MDFIC2: variants seen among roughly 807,000 people sequenced by gnomAD.
MDFIC2 encodes the protein MyoD family inhibitor domain containing 2, also known as myoD family inhibitor domain-containing protein 2.
At chr3:70,305,533 T>C (rs545427666) in intron 2 of MDFIC2, among the ~76,000 whole-genome samples, 2 of 152,334 alleles carry the variant, frequency 1.3e-5, no homozygotes, top group East Asian at 1.9e-4. Flanking sequence ...TTAGTTATTA[T>C]AATAAAGCAC....
chr3:70,300,363 C>T (rs1163942129), intron 2 of MDFIC2, among the ~76,000 whole-genome samples: 1 of 152,040 alleles, frequency 6.6e-6, no homozygotes, highest in Non-Finnish European at 1.5e-5. Context: ...TTATTATAGG[C>T]ACATCGAGTA....
At chr3:70,271,509 A>G (rs1271273035) in intron 2 of MDFIC2, among the ~76,000 whole-genome samples, 1 of 152,222 alleles carries the variant, frequency 6.6e-6, no homozygotes, top group Non-Finnish European at 1.5e-5. Flanking sequence ...TATTTTGCTT[A>G]ACTATTTAAC....
intron 2 of MDFIC2, among the ~76,000 whole-genome samples, chr3:70,245,012 C>T (rs1035671168): frequency 3.3e-5 from 5 of 152,246 alleles, no homozygotes; most frequent in African/African-American, 1.2e-4. Flanking sequence ...GAGCCCTGGT[C>T]CCAGAACTGC....
chr3:70,207,497 C>G (rs1701303846), intron 2 of MDFIC2, among the ~76,000 whole-genome samples: 1 of 151,890 alleles, frequency 6.6e-6, no homozygotes, highest in Non-Finnish European at 1.5e-5. Context: ...GTTTGGAGAG[C>G]CATAGAGAAG....
chr3:70,254,993 C>T (rs1015626303), intron 2 of MDFIC2, among the ~76,000 whole-genome samples: 4 of 152,062 alleles, frequency 2.6e-5, no homozygotes, highest in Non-Finnish European at 4.4e-5. Context: ...GACTGATGGA[C>T]ATTTAGATTG....
At chr3:70,285,843 G>A (rs1702156743) in intron 2 of MDFIC2, among the ~76,000 whole-genome samples, 1 of 152,054 alleles carries the variant, frequency 6.6e-6, no homozygotes. Flanking sequence ...TTTTTTGGCT[G>A]CATAAATGTC....
At chr3:70,242,460 C>T (rs1230671669) in intron 2 of MDFIC2, among the ~76,000 whole-genome samples, 1 of 152,056 alleles carries the variant, frequency 6.6e-6, no homozygotes, top group African/African-American at 2.4e-5. Context: ...GTCCCATGAC[C>T]ATCCTTTGGG....
intron 2 of MDFIC2, among the ~76,000 whole-genome samples, chr3:70,235,614 G>GT (rs1701599520): frequency 2.0e-5 from 3 of 152,108 alleles, no homozygotes; most frequent in Non-Finnish European, 4.4e-5. Flanking sequence ...TAGAATCCTG[G>GT]TTTTTCTCCT....
At chr3:70,232,193 C>T (rs1310997652) in intron 2 of MDFIC2, among the ~76,000 whole-genome samples, 1 of 152,264 alleles carries the variant, frequency 6.6e-6, no homozygotes, top group East Asian at 1.9e-4. Context: ...TATTGATCTG[C>T]TCTGTGAGGG....
At chr3:70,237,283 G>T (rs1319202309) in intron 2 of MDFIC2, among the ~76,000 whole-genome samples, 1 of 152,074 alleles carries the variant, frequency 6.6e-6, no homozygotes, top group Non-Finnish European at 1.5e-5. Context: ...CTCCAGTGCG[G>T]ATACACCACA....
chr3:70,307,744 G>A (rs772115606), intron 2 of MDFIC2, among the ~76,000 whole-genome samples: 1 of 152,018 alleles, frequency 6.6e-6, no homozygotes, highest in Admixed American at 6.6e-5. Context: ...CACAAGCCTT[G>A]CCTCTGTTTC....
chr3:70,309,062 TA>T (rs755695197), intron 2 of MDFIC2, among the ~76,000 whole-genome samples: 154 of 152,194 alleles, frequency 1.0e-3, no homozygotes, highest in Non-Finnish European at 1.7e-3. Flanking sequence ...GTATCTGTAT[TA>T]TTTTTTTAAG....
Position 70,257,258 on chromosome 3 carries a change from G to A in MDFIC2, c.89-50468C>T, listed in dbSNP as rs75233368. Reference sequence around the variant, plus strand: ...CATTCCTTAAAACCTGGCACATCTGGCCATTCAAAAAAGTTCAAGAATAGA... The same window carrying A: ...CATTCCTTAAAACCTGGCACATCTGACCATTCAAAAAAGTTCAAGAATAGA... On this transcript the variant is annotated intron_variant, in intron 2 of 3. Transcript: ENST00000567252. 5.1e-3 allele frequency among the ~76,000 whole-genome samples: 784 copies of A among 152,268 alleles called. 2 individuals carry two copies. The highest frequency in any genetic ancestry group is 0.018 in the African/African-American group (731 of 41,550).
intron 2 of MDFIC2, among the ~76,000 whole-genome samples, chr3:70,239,821 A>G (rs962865654): frequency 6.6e-6 from 1 of 152,122 alleles, no homozygotes; most frequent in Non-Finnish European, 1.5e-5. Flanking sequence ...GTGTTTCCCA[A>G]TAGTGAGTCC....
intron 3 of MDFIC2, chr3:70,204,686 G>A (rs1701273946): frequency 6.6e-6 from 1 of 150,848 alleles, no homozygotes. Flanking sequence ...GGGCTCTTGA[G>A]TGTCAGTTGC....
At chr3:70,211,956 G>A (rs1701355661) in intron 2 of MDFIC2, among the ~76,000 whole-genome samples, 2 of 150,148 alleles carry the variant, frequency 1.3e-5, no homozygotes, top group Admixed American at 6.7e-5. Flanking sequence ...GACTGACCTA[G>A]CCCATCTCCA....
At chr3:70,256,360 C>T (rs1701816318) in intron 2 of MDFIC2, among the ~76,000 whole-genome samples, 1 of 152,154 alleles carries the variant, frequency 6.6e-6, no homozygotes, top group Admixed American at 6.5e-5. Flanking sequence ...CTATGATGAT[C>T]TATTATATAA....
chr3:70,283,983 C>G (rs996335133), intron 2 of MDFIC2: 1 of 152,080 alleles, frequency 6.6e-6, no homozygotes, highest in Non-Finnish European at 1.5e-5. Context: ...TCCCACCACC[C>G]TACTGTCATA....
At chr3:70,223,354 A>G (rs1365694775) in intron 2 of MDFIC2, among the ~76,000 whole-genome samples, 1 of 152,174 alleles carries the variant, frequency 6.6e-6, no homozygotes, top group African/African-American at 2.4e-5. Flanking sequence ...CTATCTCTGC[A>G]CAGATTCCTT....
Sources: gnomAD v4.1 joint callset for allele counts (sites outside exome capture counted in the v4.1 genomes callset) on GRCh38, gnomAD v4.1.1 for gene constraint, MANE v1.5 for transcripts, NCBI Gene and HGNC (gene_info 2026-07-23, HGNC 2026-07-21) for gene names.